Variants in L3MBTL4 observed in about 807,000 individuals in gnomAD.
L3MBTL4 encodes the protein lethal(3)malignant brain tumor-like protein 4.
In L3MBTL4, 70 loss-of-function variants were observed where a neutral mutation model predicts 84.5. The ratio of observed to expected loss-of-function variants is 0.83; its 90% confidence interval spans 0.68 to 1.01. L3MBTL4 has a LOEUF of 1.01. L3MBTL4 is among the 50% of genes least tolerant of loss of function. L3MBTL4 has a pLI of 0.00. For synonymous variants in L3MBTL4, 274 were observed against 259.8 expected (o/e 1.05, Z -0.52); for missense variants, 715 against 754.8 (o/e 0.95, Z 0.62).
intron 4 of L3MBTL4, among the ~76,000 whole-genome samples, chr18:6,280,864 A>C (rs1730175547): frequency 6.6e-6 from 1 of 152,186 alleles, no homozygotes; most frequent in Admixed American, 6.5e-5. Context: ...GGAATGCAAA[A>C]GCTGGAAAAG....
intron 16 of L3MBTL4, among the ~76,000 whole-genome samples, chr18:6,027,566 T>C (rs2055569624): frequency 6.6e-6 from 1 of 152,256 alleles, no homozygotes; most frequent in Non-Finnish European, 1.5e-5. Context: ...ATGGGATTGC[T>C]GGGTCAAATG....
chr18:6,122,110 A>C (rs1187734406), intron 14 of L3MBTL4, among the ~76,000 whole-genome samples: 2 of 152,196 alleles, frequency 1.3e-5, no homozygotes, highest in Non-Finnish European at 2.9e-5. Flanking sequence ...ATAAAATAGA[A>C]ATAATAAAAC....
In L3MBTL4 at chr18:5,958,168, A is replaced by C. The variant is rs534711587; in HGVS notation, c.1678-1781T>G. On this transcript the variant is annotated intron_variant, in intron 18 of 18. Transcript: ENST00000317931. ...AAGAAGAAGAAGAAGAACAAGAAGA[A>C]GAAGAAGACGACGAAGAAGAAGAGG... Among the ~76,000 whole-genome samples, 12 of 132,290 alleles carry C rather than the reference A, an allele frequency of 9.1e-5. No individual in the cohort carries two copies. The East Asian group carries it at 2.0e-3, about 22-fold the overall frequency. The allele number at this position is 132,290 out of a possible 152,430, so 86.8% of individuals were successfully genotyped here.
chr18:6,145,499 G>T (rs1249799766), intron 13 of L3MBTL4, among the ~76,000 whole-genome samples: 1 of 151,512 alleles, frequency 6.6e-6, no homozygotes, highest in Non-Finnish European at 1.5e-5. Context: ...AAAAGAAGAA[G>T]AAGAATCAGG....
At chr18:6,166,572 A>G (rs1242411812) in intron 13 of L3MBTL4, among the ~76,000 whole-genome samples, 1 of 152,362 alleles carries the variant, frequency 6.6e-6, no homozygotes, top group East Asian at 1.9e-4. Flanking sequence ...CTGCTCCTGA[A>G]TGACTACTGG....
chr18:6,148,774 T>C (rs2042761324), intron 13 of L3MBTL4, among the ~76,000 whole-genome samples: 2 of 152,180 alleles, frequency 1.3e-5, no homozygotes, highest in South Asian at 4.1e-4. Flanking sequence ...TTAAGAGTTA[T>C]TGGCATACAC....
chr18:6,302,699 T>C (rs1320696994), intron 3 of L3MBTL4, among the ~76,000 whole-genome samples: 1 of 152,226 alleles, frequency 6.6e-6, no homozygotes, highest in African/African-American at 2.4e-5. Context: ...TATTAAAAAT[T>C]TGTGGCCAGC....
intron 13 of L3MBTL4, among the ~76,000 whole-genome samples, chr18:6,159,062 G>A (rs1234187064): frequency 2.0e-5 from 3 of 152,244 alleles, no homozygotes; most frequent in African/African-American, 7.2e-5. Flanking sequence ...TGAAGTCACT[G>A]CAGGCGACCC....
intron 4 of L3MBTL4, among the ~76,000 whole-genome samples, chr18:6,292,821 C>T (rs941334999): frequency 3.3e-5 from 5 of 152,056 alleles, no homozygotes; most frequent in Admixed American, 2.6e-4. Context: ...GCTGAAGCCA[C>T]GTGCCATAAC....
intron 17 of L3MBTL4, 70 bp downstream of exon 17, chr18:5,969,323 G>A (rs1567928694): frequency 6.5e-7 from 1 of 1,548,354 alleles, no homozygotes; most frequent in African/African-American, 1.4e-5. Context: ...AGAATGGTCA[G>A]TGGGCACCTT....
At chr18:5,963,193 T>C (rs1452825492) in intron 17 of L3MBTL4, among the ~76,000 whole-genome samples, 1 of 152,108 alleles carries the variant, frequency 6.6e-6, no homozygotes, top group East Asian at 1.9e-4. Context: ...AAAGAAGTGG[T>C]TGGTTAGAAA....
intron 4 of L3MBTL4, among the ~76,000 whole-genome samples, chr18:6,282,704 C>T (rs938684853): frequency 2.0e-5 from 3 of 152,090 alleles, no homozygotes; most frequent in African/African-American, 4.8e-5. Flanking sequence ...GGCAGGTGGA[C>T]AGGATCAGGC....
intron 18 of L3MBTL4, among the ~76,000 whole-genome samples, chr18:5,959,240 G>A (rs944876166): frequency 6.6e-6 from 1 of 152,200 alleles, no homozygotes; most frequent in South Asian, 2.1e-4. Flanking sequence ...TGAGCTCTCA[G>A]ATGGATATGA....
At chr18:6,240,255 C>T (rs2047398392) in intron 8 of L3MBTL4, among the ~76,000 whole-genome samples, 1 of 151,944 alleles carries the variant, frequency 6.6e-6, no homozygotes, top group Admixed American at 6.6e-5. Context: ...TTTCCAAATG[C>T]CACTATTTGA....
At chr18:6,157,957 G>T (rs1218857996) in intron 13 of L3MBTL4, among the ~76,000 whole-genome samples, 1 of 152,102 alleles carries the variant, frequency 6.6e-6, no homozygotes, top group East Asian at 1.9e-4. Context: ...CTTAGGGAGG[G>T]TTATTCTTGG....
chr18:5,963,183 A>G (rs2052150593), intron 17 of L3MBTL4, among the ~76,000 whole-genome samples: 1 of 152,204 alleles, frequency 6.6e-6, no homozygotes, highest in African/African-American at 2.4e-5. Context: ...ACTGGTAGGG[A>G]AAGAAGTGGT....
rs1470601291 is a variant in L3MBTL4, at chr18:6,292,318, T to C, written c.127+9585A>G. 3.3e-5 allele frequency among the ~76,000 whole-genome samples: 5 copies of C among 152,198 alleles called. No homozygotes were observed. In the East Asian group the frequency reaches 9.6e-4, roughly 29 times the overall value. On this transcript the variant is annotated intron_variant, in intron 4 of 18. Coordinates refer to ENST00000317931, the MANE Select transcript of L3MBTL4 (RefSeq NM_001330559.2). ...ATTCAAACTAGATTTATTACATTGT[T>C]GCTAATTATTTTTTGCATTATGATT... is the stretch of plus-strand genomic sequence containing the variant.
rs71163258 is a variant in L3MBTL4 at position 6,072,881 on chromosome 18, AATATATATAT to A, written c.1444+7990_1444+7999del. Among the ~76,000 whole-genome samples, 119 of 20,350 alleles carry A rather than the reference AATATATATAT, an allele frequency of 5.8e-3. 1 individual carries two copies. Among genetic ancestry groups the A allele is most frequent in the Middle Eastern group, 0.033 (1 of 30 alleles). The allele number at this position is 20,350 out of a possible 152,430, so 13.4% of individuals were successfully genotyped here. A position where few individuals can be genotyped will look rare whatever the true frequency, so the allele number is the denominator to read the frequency against. On this transcript the variant is annotated intron_variant, in intron 16 of 18. Coordinates refer to ENST00000317931, the MANE Select transcript of L3MBTL4 (RefSeq NM_001330559.2). ...ACTCCGTCTCAAAAAAAAAAAAAAA[AATATATATAT>A]ATATATATATATATATATATATATA... is the stretch of plus-strand genomic sequence containing the variant.
chr18:6,159,270 C>CT (rs2043223135), intron 13 of L3MBTL4, among the ~76,000 whole-genome samples: 1 of 152,128 alleles, frequency 6.6e-6, no homozygotes, highest in Admixed American at 6.5e-5. Context: ...TGTTCAGAGA[C>CT]GGGATAACCA....
Sources: gnomAD v4.1 joint callset for allele counts (sites outside exome capture counted in the v4.1 genomes callset) on GRCh38, gnomAD v4.1.1 for gene constraint, MANE v1.5 for transcripts, NCBI Gene and HGNC (gene_info 2026-07-23, HGNC 2026-07-21) for gene names.